PDXDC1: variants seen among roughly 807,000 people sequenced by gnomAD.
PDXDC1 encodes the protein pyridoxal-dependent decarboxylase domain-containing protein 1.
Under a neutral mutation model 100.1 loss-of-function variants are expected in PDXDC1, and 42 were observed. That is an observed-to-expected ratio of 0.42 (90% CI 0.33 to 0.54). The LOEUF is 0.54. PDXDC1 is among the 20% of genes least tolerant of loss of function. PDXDC1 has a pLI of 0.10. For missense variants in PDXDC1, 636 were observed against 979.2 expected, an observed-to-expected ratio of 0.65 and a Z score of 4.68; for synonymous variants, 260 against 371.7, an observed-to-expected ratio of 0.70 and a Z score of 3.46.
chr16:14,990,815 G>C (rs1171606756), intron 1 of PDXDC1, among the ~76,000 whole-genome samples: 2 of 152,264 alleles, frequency 1.3e-5, no homozygotes, highest in African/African-American at 4.8e-5. Flanking sequence ...ATTTCAGCTC[G>C]CTGCAGCCTC....
Position 14,982,083 on chromosome 16 carries a change from G to A in PDXDC1, c.21+6863G>A, listed in dbSNP as rs1247449128. On this transcript the variant is annotated intron_variant, in intron 1 of 22. Transcript: ENST00000396410. The stretch of plus-strand genomic sequence containing the variant: ...TACCTCAGGTGGGCCACTGCACCCG[G>A]CCTATTTTTGCCCTTTTCTTTCCTA... Among the ~76,000 whole-genome samples, 5 of 152,400 alleles carry A rather than the reference G, an allele frequency of 3.3e-5. No individual in the cohort carries two copies. In the East Asian group the frequency reaches 9.6e-4, roughly 29 times the overall value.
intron 16 of PDXDC1, among the ~76,000 whole-genome samples, chr16:15,062,978 G>A (rs2044773727): frequency 6.6e-6 from 1 of 152,058 alleles, no homozygotes; most frequent in Admixed American, 6.6e-5. Context: ...AGAGGAGCTG[G>A]GATTACAGGT....
At chr16:15,132,631 C>G in intron 16 of PDXDC1, 1 of 777,002 alleles carries the variant, frequency 1.3e-6, no homozygotes, top group South Asian at 1.5e-5. Context: ...AGGCTCAGCT[C>G]CTCGGCCAAG....
intron 16 of PDXDC1, among the ~76,000 whole-genome samples, chr16:15,093,458 T>C (rs1363425653): frequency 6.6e-6 from 1 of 152,188 alleles, no homozygotes; most frequent in African/African-American, 2.4e-5. Flanking sequence ...ATGTACTGCC[T>C]TTCCCCCCTA....
intron 16 of PDXDC1, among the ~76,000 whole-genome samples, chr16:15,069,592 G>C (rs2045135330): frequency 6.6e-6 from 1 of 152,072 alleles, no homozygotes; most frequent in South Asian, 2.1e-4. Flanking sequence ...CAAACTTTAG[G>C]GTCAGCCAAA....
At chr16:15,013,739 G>A (rs1166271367) in intron 8 of PDXDC1, among the ~76,000 whole-genome samples, 1 of 152,236 alleles carries the variant, frequency 6.6e-6, no homozygotes, top group African/African-American at 2.4e-5. Flanking sequence ...GCCAGGTGTG[G>A]TGGTGTGCAC....
intron 12 of PDXDC1, among the ~76,000 whole-genome samples, chr16:15,019,776 G>C (rs1456805930): frequency 2.0e-5 from 3 of 152,248 alleles, no homozygotes; most frequent in Non-Finnish European, 4.4e-5. Flanking sequence ...TTCCACATAG[G>C]AATTTTGTGG....
At chr16:15,125,943 A>G in intron 16 of PDXDC1, 1 of 617,292 alleles carries the variant, frequency 1.6e-6, no homozygotes. Context: ...GATATATGGG[A>G]CATCTGCACC....
intron 8 of PDXDC1, among the ~76,000 whole-genome samples, chr16:15,012,871 T>G (rs62039462): frequency 6.6e-6 from 1 of 150,446 alleles, no homozygotes. Context: ...AAAAAAAAAT[T>G]CTTTAAAATA....
the PDXDC1 span, among the ~76,000 whole-genome samples, chr16:15,145,854 C>T: frequency 2.0e-5 from 3 of 152,364 alleles, no homozygotes; most frequent in East Asian, 1.9e-4. Context: ...CAGACGGCAG[C>T]GGGCTGTTTT....
At chr16:15,023,913 G>A (rs578252570) in intron 13 of PDXDC1, among the ~76,000 whole-genome samples, 25 of 152,402 alleles carry the variant, frequency 1.6e-4, no homozygotes, top group Admixed American at 4.6e-4. Flanking sequence ...AAAGTATGCC[G>A]GTTGGTCTCC....
intron 1 of PDXDC1, among the ~76,000 whole-genome samples, chr16:14,980,742 G>A (rs1264930713): frequency 6.6e-6 from 1 of 152,276 alleles, no homozygotes; most frequent in Non-Finnish European, 1.5e-5. Context: ...TGGGATTACA[G>A]GCATGAGCCA....
At chr16:15,128,704 CA>C (rs2047894352) in intron 16 of PDXDC1, among the ~76,000 whole-genome samples, 1 of 152,170 alleles carries the variant, frequency 6.6e-6, no homozygotes, top group Non-Finnish European at 1.5e-5. Flanking sequence ...AGTCACGCCA[CA>C]ACCAGTGACC....
intron 16 of PDXDC1, chr16:15,135,087 G>A: frequency 1.7e-6 from 1 of 603,686 alleles, no homozygotes; most frequent in Non-Finnish European, 3.0e-6. Flanking sequence ...GTGGCTTGAA[G>A]ACTGTATGTG....
At chr16:15,140,318 C>A (rs573920314), downstream of PDXDC1, among the ~76,000 whole-genome samples, 1 of 150,534 alleles carries the variant, frequency 6.6e-6, no homozygotes, top group East Asian at 2.0e-4. Context: ...GTGGCAAGCA[C>A]CTGTAATTCC....
chr16:15,127,389 A>T (rs1251537649), intron 16 of PDXDC1: 2 of 1,100,454 alleles, frequency 1.8e-6, no homozygotes, highest in African/African-American at 1.6e-5. Context: ...TGGCTGCAGC[A>T]CTGGAAAGTG....
rs192994100 is a variant in PDXDC1, at chr16:15,103,426, T to C, written c.1400-35453T>C. Reference sequence around the variant, plus strand: ...GGCACCCTGGCATAGCCAGATGACTTCCGTGCCCCTGTGGCAATAACCACT... The same window carrying C: ...GGCACCCTGGCATAGCCAGATGACTCCCGTGCCCCTGTGGCAATAACCACT... On this transcript the variant is annotated intron_variant, in intron 16 of 16. Transcript: ENST00000535621. The C allele has an allele frequency of 4.1e-5, 26 of 631,176 alleles. No homozygotes were observed. The African/African-American group carries it at 4.8e-4, about 12-fold the overall frequency. 39.1% of individuals were successfully genotyped at this position (631,176 alleles called of 1,614,324 possible).
chr16:14,988,871 C>G, intron 1 of PDXDC1: 1 of 1,613,964 alleles, frequency 6.2e-7, no homozygotes, highest in Non-Finnish European at 8.5e-7. Context: ...GGAGGGTCAG[C>G]CTCCACAGGT....
downstream of PDXDC1, among the ~76,000 whole-genome samples, chr16:15,042,052 G>A (rs576440116): frequency 6.6e-6 from 1 of 152,286 alleles, no homozygotes; most frequent in East Asian, 1.9e-4. Flanking sequence ...CACTGTAACA[G>A]ATCTGAAAAA....
Sources: allele counts gnomAD v4.1 joint callset (sites outside exome capture counted in the v4.1 genomes callset), GRCh38; gene constraint gnomAD v4.1.1; transcripts MANE v1.5; gene names NCBI Gene and HGNC (gene_info 2026-07-23, HGNC 2026-07-21).